The following DDX54 variants were observed in gnomAD, a reference collection of about 807,000 sequenced individuals.
DDX54 encodes DEAD-box helicase 54, also known as ATP-dependent RNA helicase DDX54.
A neutral mutation model predicts 105.5 loss-of-function variants in DDX54; 67 were observed. The observed-to-expected ratio is 0.64, with a 90% confidence interval of 0.52 to 0.78. DDX54 has a LOEUF of 0.78. Ranked by LOEUF, DDX54 falls within the 30% of genes least tolerant of loss-of-function variation. The pLI is 0.00. For missense variants in DDX54, 1,206 were observed against 1,230.5 expected, an observed-to-expected ratio of 0.98 and a Z score of 0.30; for synonymous variants, 514 against 509.9, an observed-to-expected ratio of 1.01 and a Z score of -0.11.
At chr12:113,176,429 T>C (rs1281521640) in intron 7 of DDX54, among the ~76,000 whole-genome samples, 1 of 152,090 alleles carries the variant, frequency 6.6e-6, no homozygotes, top group Non-Finnish European at 1.5e-5. Context: ...TAGCCAGGCG[T>C]GGTAGCGCGT....
At chr12:113,176,235 T>C (rs60901283) in intron 7 of DDX54, among the ~76,000 whole-genome samples, 15,302 of 152,178 alleles carry the variant, frequency 0.1, 906 homozygotes, top group East Asian at 0.21. Context: ...CCTGAGTCCA[T>C]GCTCTCAACT....
chr12:113,180,317 C>T (rs1032786910), intron 2 of DDX54, among the ~76,000 whole-genome samples: 2 of 152,038 alleles, frequency 1.3e-5, no homozygotes, highest in South Asian at 2.1e-4. Flanking sequence ...GGTCCTGCGC[C>T]TCTTGGAAGT....
At position 113,179,171 on chromosome 12, in the gene DDX54, G is replaced by A; in HGVS notation, c.536C>T (p.Ala179Val). The stretch of plus-strand genomic sequence containing the variant: ...CTTAGTGAACTTCAGGGTCTGCAGG[G>A]CCAGCTCTCGGGTCGGCGAGAGGAT... ...ALILSPTREL[A>V]LQTLKFTKEL... Residue 179 changes from alanine to valine, a missense_variant, in exon 4 of 20, where the codon GCC (alanine) becomes GTC (valine). Physicochemically the swap from Ala to Val is moderately conservative, Grantham distance 64. Coordinates refer to ENST00000306014, the MANE Select transcript of DDX54 (RefSeq NM_024072.4). 1 of 1,614,134 alleles carries A rather than the reference G, an allele frequency of 6.2e-7. No individual in the cohort carries two copies. The highest frequency in any genetic ancestry group is 8.5e-7 in the Non-Finnish European group (1 of 1,180,014).
intron 12 of DDX54, among the ~76,000 whole-genome samples, chr12:113,168,149 CTA>C (rs1952297583): frequency 6.6e-6 from 1 of 152,258 alleles, no homozygotes; most frequent in Non-Finnish European, 1.5e-5. Context: ...AGACTTTCTG[CTA>C]TGGTGTCTGC....
Position 113,178,986 on chromosome 12 carries a change from C to A in DDX54, c.605G>T (p.Gly202Val), listed in dbSNP as rs1001029772. The change falls in exon 5 of 20, where the codon GGT becomes GTT. Residue 202 changes from glycine to valine, a missense_variant. By Grantham distance (109) the Gly-to-Val change is moderately radical. Around this residue, in one of 3 missense-constraint regions of DDX54, gnomAD observed 961 missense variants for 1,019.1 expected, o/e 0.94. Transcript: ENST00000306014. ...FTGLKTALIL[G>V]GDRMEDQFAA... is the part of the protein sequence containing the mutation. ...GGTGCAGGGACCTTACCTGTCTCCACCCAGGATCAGGGCAGTCTTGAGGCC... is the reference window on the plus strand; with the variant it reads ...GGTGCAGGGACCTTACCTGTCTCCAACCAGGATCAGGGCAGTCTTGAGGCC... 10 of 1,613,968 alleles carry A rather than the reference C, an allele frequency of 6.2e-6. No individual in the cohort carries two copies. The highest frequency in any genetic ancestry group is 8.5e-6 in the Non-Finnish European group (10 of 1,179,994).
chr12:113,161,794 T>TCCCCCC, intron 18 of DDX54, 99 bp downstream of exon 18: 1 of 82,322 alleles, frequency 1.2e-5, no homozygotes, highest in Non-Finnish European at 2.4e-5. Flanking sequence ...CGCCCCCTCC[T>TCCCCCC]CCCCGCCCCC....
chr12:113,171,075 A>T (rs1339286131), intron 11 of DDX54, among the ~76,000 whole-genome samples: 1 of 152,226 alleles, frequency 6.6e-6, no homozygotes, highest in African/African-American at 2.4e-5. Flanking sequence ...GTGAGGCACA[A>T]GAAATTCCCT....
In DDX54 at chr12:113,174,627, G is replaced by A; in HGVS notation, c.1068+13C>T. On this transcript the variant is annotated intron_variant, in intron 10 of 19. Coordinates refer to ENST00000306014, the MANE Select transcript of DDX54 (RefSeq NM_024072.4). ...CTGAAGGAGGTGCTCCTCCCACTCA[G>A]GACCCTGCTCACCTCAGTGAGGTAC... 1.9e-6 allele frequency: 3 copies of A among 1,609,774 alleles called. No individual in the cohort carries two copies. Among genetic ancestry groups the A allele is most frequent in the South Asian group, 1.1e-5 (1 of 90,910 alleles).
chr12:113,175,738 G>A (rs1423814807), intron 7 of DDX54, among the ~76,000 whole-genome samples: 2 of 151,156 alleles, frequency 1.3e-5, no homozygotes, highest in Non-Finnish European at 2.9e-5. Flanking sequence ...GCAGTGAGCC[G>A]ACATCATGCC....
At chr12:113,177,670 C>T (rs1952419852) in intron 5 of DDX54, among the ~76,000 whole-genome samples, 2 of 152,048 alleles carry the variant, frequency 1.3e-5, no homozygotes, top group Non-Finnish European at 1.5e-5. Context: ...GTGTTAATAG[C>T]GGCATCCTTA....
At chr12:113,168,688 T>C (rs1225422012) in intron 12 of DDX54, among the ~76,000 whole-genome samples, 1 of 152,014 alleles carries the variant, frequency 6.6e-6, no homozygotes, top group Non-Finnish European at 1.5e-5. Context: ...TCCAGCACTT[T>C]GGGAGGCCGA....
Position 113,157,723 on chromosome 12 carries a change from C to G in DDX54, c.*1154G>C. 2 of 1,472,842 alleles carry G rather than the reference C, an allele frequency of 1.4e-6. No individual in the cohort carries two copies. The highest frequency in any genetic ancestry group is 1.9e-6 in the Non-Finnish European group (2 of 1,077,138). 91.2% of individuals were successfully genotyped at this position (1,472,842 alleles called of 1,614,324 possible). ...GCGGGAGAGGGAACCCCTGAGAGAC[C>G]CTGAGATAGGAGGGCCCACATTTCC... On this transcript the variant is annotated 3_prime_UTR_variant, in exon 20 of 20. Transcript: ENST00000306014.
At chr12:113,159,154 C>G in intron 19 of DDX54, 45 bp from the exon 20 acceptor site, 1 of 1,528,842 alleles carries the variant, frequency 6.5e-7, no homozygotes, top group Non-Finnish European at 8.8e-7. Flanking sequence ...GGGATCACTC[C>G]CAAGATCCCC....
In DDX54 at chr12:113,176,893, T is replaced by G; in HGVS notation, c.699A>C (p.Glu233Asp). ...CCACACTCTGCAGCTTCAGGCTCATTTCCACAGCCACATGCACCAACCGTC... is the reference window on the plus strand; with the variant it reads ...CCACACTCTGCAGCTTCAGGCTCATGTCCACAGCCACATGCACCAACCGTC... Reference protein sequence around the residue: ...TPGRLVHVAVEMSLKLQSVEY... With the variant: ...TPGRLVHVAVDMSLKLQSVEY... The change falls in exon 7 of 20, where the codon GAA becomes GAC. Residue 233 changes from glutamate (E) to aspartate (D), a missense_variant. Glu to Asp is a conservative substitution (Grantham distance 45). Transcript: ENST00000306014. 1 of 1,614,168 alleles carries G rather than the reference T, an allele frequency of 6.2e-7. No individual in the cohort carries two copies. Among genetic ancestry groups the G allele is most frequent in the Non-Finnish European group, 8.5e-7 (1 of 1,180,040 alleles).
At chr12:113,180,050 A>G in intron 2 of DDX54, 45 bp from the exon 3 acceptor site, 1 of 1,585,268 alleles carries the variant, frequency 6.3e-7, no homozygotes, top group East Asian at 2.2e-5. Context: ...GAGTCCCCAC[A>G]GCACCAACCC....
rs750074972 is a variant in DDX54 at position 113,158,928 on chromosome 12, G to A, written c.2595C>T (p.Ala865=). 1 of 1,609,646 alleles carries A rather than the reference G, an allele frequency of 6.2e-7. No homozygotes were observed. The highest frequency in any genetic ancestry group is 8.5e-7 in the Non-Finnish European group (1 of 1,176,920). Residue 865 remains alanine (A), a synonymous_variant, in exon 20 of 20, where the codon GCC becomes GCT. Coordinates refer to ENST00000306014, the MANE Select transcript of DDX54 (RefSeq NM_024072.4). The surrounding 1 kb of genome is among the most constrained non-coding windows in gnomAD (Gnocchi z 4.9). ...TCTTGGAGCGGGCACCCCGGCCGAA[G>A]GCGCCCTGCTGCAGCTCCTGGACGC... ...RRRVQELQQG[A]FGRGARSKKG... is the part of the protein sequence containing the mutation.
At position 113,176,877 on chromosome 12, in the gene DDX54, G is replaced by A; in HGVS notation, c.715C>T (p.Gln239Ter). 5.0e-6 allele frequency: 8 copies of A among 1,614,232 alleles called. No homozygotes were observed. The highest frequency in any genetic ancestry group is 6.8e-6 in the Non-Finnish European group (8 of 1,180,052). ...TCGAACACCACGTATTCCACACTCT[G>A]CAGCTTCAGGCTCATTTCCACAGCC... The part of the protein sequence containing the change: ...HVAVEMSLKL[Q>*]SVEYVVFDEA... The change falls in exon 7 of 20, where the codon CAG (glutamine) becomes TAG (stop). Residue 239 changes from glutamine to a stop codon, truncating the protein, a stop_gained. Coordinates refer to ENST00000306014, the MANE Select transcript of DDX54 (RefSeq NM_024072.4). LOFTEE classifies it high-confidence loss of function.
Position 113,179,344 on chromosome 12 carries a change from A to C in DDX54, c.376-13T>G, listed in dbSNP as rs1268849532. The C allele has an allele frequency of 6.2e-7, 1 of 1,610,786 alleles. No individual in the cohort carries two copies. The highest frequency in any genetic ancestry group is 1.7e-5 in the Admixed American group (1 of 59,954). On this transcript the variant is annotated splice_polypyrimidine_tract_variant and intron_variant, in intron 3 of 19. Transcript: ENST00000306014. ...TCACCGGGATGGTCTGGAGAGGCACAAGCAGGGAAGTCAAGGTCAGCTCCT... is the reference window on the plus strand; with the variant it reads ...TCACCGGGATGGTCTGGAGAGGCACCAGCAGGGAAGTCAAGGTCAGCTCCT...
intron 17 of DDX54, among the ~76,000 whole-genome samples, chr12:113,162,332 C>T (rs1288296122): frequency 6.6e-6 from 1 of 152,188 alleles, no homozygotes; most frequent in Admixed American, 6.5e-5. Context: ...CACATACACT[C>T]TCCAGACGCT....
Sources: gnomAD v4.1 joint callset for allele counts (sites outside exome capture counted in the v4.1 genomes callset) on GRCh38, gnomAD v4.1.1 for gene constraint, gnomAD v4.1.1 regional missense constraint, Gnocchi (gnomAD v3.1) non-coding constraint, MANE v1.5 for transcripts, NCBI Gene and HGNC (gene_info 2026-07-23, HGNC 2026-07-21) for gene names.